KLF12: variants seen among roughly 807,000 people sequenced by gnomAD.
KLF12 encodes Krueppel-like factor 12.
KLF12 carries 9 observed loss-of-function variants against 37.8 expected under a neutral mutation model. That is an observed-to-expected ratio of 0.24 (90% confidence interval 0.14 to 0.42). The LOEUF is 0.42. Ranked by LOEUF, KLF12 falls within the 10% of genes least tolerant of loss-of-function variation. The probability of loss-of-function intolerance (pLI) is 1.00; values close to 1 mark genes in which losing one functional copy is unlikely to be tolerated. For missense variants in KLF12, 411 were observed against 516.0 expected, an observed-to-expected ratio of 0.80 and a Z score of 1.97; for synonymous variants, 208 against 202.1, an observed-to-expected ratio of 1.03 and a Z score of -0.25.
the KLF12 span, among the ~76,000 whole-genome samples, chr13:74,167,534 A>G: frequency 6.6e-6 from 1 of 152,234 alleles, no homozygotes; most frequent in Non-Finnish European, 1.5e-5. Flanking sequence ...TGGGATTCAA[A>G]GTGAAATGAA....
intron 2 of KLF12, among the ~76,000 whole-genome samples, chr13:73,956,166 G>T (rs989407561): frequency 6.6e-6 from 1 of 152,060 alleles, no homozygotes; most frequent in East Asian, 1.9e-4. Context: ...ATTTACTCAG[G>T]CCTTGTTACT....
the KLF12 span, among the ~76,000 whole-genome samples, chr13:74,202,138 CT>C: frequency 6.6e-6 from 1 of 152,152 alleles, no homozygotes; most frequent in Admixed American, 6.6e-5. Context: ...ATCTTAAGAT[CT>C]TAAAGGTCTT....
chr13:74,269,384 T>A, the KLF12 span, among the ~76,000 whole-genome samples: 2 of 152,160 alleles, frequency 1.3e-5, no homozygotes, highest in Admixed American at 1.3e-4. Context: ...TATGCTCATA[T>A]AGAGCACACC....
the KLF12 span, among the ~76,000 whole-genome samples, chr13:74,292,743 C>A: frequency 6.6e-6 from 1 of 152,124 alleles, no homozygotes; most frequent in Non-Finnish European, 1.5e-5. Context: ...TGACTTAACA[C>A]CCTGGCTGAA....
chr13:73,916,675 A>G (rs1311691638), intron 3 of KLF12, among the ~76,000 whole-genome samples: 2 of 152,228 alleles, frequency 1.3e-5, no homozygotes, highest in Non-Finnish European at 2.9e-5. Flanking sequence ...TGAATTAGCC[A>G]GAGTCTGTAA....
chr13:74,061,114 C>CACAT (rs1873567994), intron 1 of KLF12, among the ~76,000 whole-genome samples: 1 of 152,162 alleles, frequency 6.6e-6, no homozygotes, highest in South Asian at 2.1e-4. Flanking sequence ...AGCAAGAGTT[C>CACAT]ACATTAACTT....
intron 4 of KLF12, among the ~76,000 whole-genome samples, chr13:73,843,437 A>C (rs1167955888): frequency 6.6e-6 from 1 of 151,886 alleles, no homozygotes; most frequent in Non-Finnish European, 1.5e-5. Flanking sequence ...CCTCCTCAGT[A>C]GCTGGGATTA....
chr13:74,114,680 T>G (rs934291100), intron 1 of KLF12, among the ~76,000 whole-genome samples: 1 of 152,192 alleles, frequency 6.6e-6, no homozygotes, highest in African/African-American at 2.4e-5. Context: ...CAGCATCAAG[T>G]TGTCAACGTG....
intron 1 of KLF12, among the ~76,000 whole-genome samples, chr13:74,078,126 A>G (rs1874670493): frequency 6.6e-6 from 1 of 152,200 alleles, no homozygotes; most frequent in African/African-American, 2.4e-5. Flanking sequence ...GAAGGAAAGC[A>G]GTTACTGAGG....
chr13:74,015,646 C>T (rs1002500618), intron 1 of KLF12, among the ~76,000 whole-genome samples: 1 of 152,186 alleles, frequency 6.6e-6, no homozygotes, highest in Non-Finnish European at 1.5e-5. Context: ...ATAGCAATCT[C>T]TCCAACATGA....
At chr13:73,823,670 T>C (rs563562156) in intron 4 of KLF12, among the ~76,000 whole-genome samples, 3 of 152,290 alleles carry the variant, frequency 2.0e-5, no homozygotes, top group Admixed American at 1.3e-4. Flanking sequence ...GACCTTTCTA[T>C]AGTTTTCAAG....
chr13:73,790,246 G>C (rs1455853580), intron 5 of KLF12, among the ~76,000 whole-genome samples: 1 of 152,084 alleles, frequency 6.6e-6, no homozygotes, highest in Non-Finnish European at 1.5e-5. Context: ...GACTTTTATA[G>C]CTAATCCTTA....
At chr13:73,855,947 C>T in intron 3 of KLF12, among the ~76,000 whole-genome samples, 1 of 152,210 alleles carries the variant, frequency 6.6e-6, no homozygotes, top group East Asian at 1.9e-4. Context: ...AAGGAGTATA[C>T]AGTCATACAG....
At chr13:73,851,544 T>C (rs1236211349) in intron 3 of KLF12, among the ~76,000 whole-genome samples, 1 of 152,190 alleles carries the variant, frequency 6.6e-6, no homozygotes, top group East Asian at 1.9e-4. Context: ...ACAGTATAAA[T>C]AACTTAAATC....
chr13:74,116,358 T>C (rs1482333200), intron 1 of KLF12, among the ~76,000 whole-genome samples: 1 of 152,246 alleles, frequency 6.6e-6, no homozygotes, highest in African/African-American at 2.4e-5. Context: ...CTGCTTTAAG[T>C]GAAGTTTCAA....
chr13:73,780,619 G>A (rs1378280265), intron 5 of KLF12, among the ~76,000 whole-genome samples: 2 of 152,132 alleles, frequency 1.3e-5, no homozygotes, highest in Middle Eastern at 3.4e-3. Context: ...GTGCCACCAC[G>A]CCTGGCTAAT....
intron 3 of KLF12, among the ~76,000 whole-genome samples, chr13:73,905,409 T>C (rs1213791421): frequency 6.6e-6 from 1 of 150,474 alleles, no homozygotes; most frequent in African/African-American, 2.5e-5. Context: ...ATTAATCACC[T>C]AGGCAAGTAA....
At chr13:73,995,174 G>A (rs893365194) in intron 1 of KLF12, 121 bp from the exon 2 acceptor site, 15 of 644,572 alleles carry the variant, frequency 2.3e-5, no homozygotes, top group Admixed American at 6.1e-5. Flanking sequence ...TCATAGAGCT[G>A]AGGAATATCT....
At chr13:74,009,400 A>C (rs953801733) in intron 1 of KLF12, among the ~76,000 whole-genome samples, 12 of 152,352 alleles carry the variant, frequency 7.9e-5, no homozygotes, top group South Asian at 4.1e-4. Flanking sequence ...ACCTCCACTT[A>C]CAAGTGAAGA....
Sources: allele counts gnomAD v4.1 joint callset (sites outside exome capture counted in the v4.1 genomes callset), GRCh38; gene constraint gnomAD v4.1.1; transcripts MANE v1.5; gene names NCBI Gene and HGNC (gene_info 2026-07-23, HGNC 2026-07-21).